Variants in YWHAG observed in about 807,000 individuals in gnomAD.
The protein encoded by YWHAG is 14-3-3 protein gamma.
Under a neutral mutation model 23.3 loss-of-function variants are expected in YWHAG, and 1 was observed. The observed-to-expected ratio is 0.04, with a 90% CI of 0.02 to 0.20. YWHAG has a LOEUF of 0.20. YWHAG is among the 10% of genes least tolerant of loss of function. YWHAG has a pLI of 1.00. For missense variants in YWHAG, 151 were observed against 338.6 expected (o/e 0.45, Z 4.35); for synonymous variants, 160 against 144.0 (o/e 1.11, Z -0.80).
chr7:76,345,314 C>G (rs10267734), intron 1 of YWHAG, among the ~76,000 whole-genome samples: 2 of 151,162 alleles, frequency 1.3e-5, no homozygotes, highest in African/African-American at 4.9e-5. Flanking sequence ...GTCCCCCGAG[C>G]AGCTGGGACT....
intron 1 of YWHAG, among the ~76,000 whole-genome samples, chr7:76,353,555 A>G (rs1182662448): frequency 1.3e-5 from 2 of 152,156 alleles, no homozygotes; most frequent in African/African-American, 4.8e-5. Flanking sequence ...ATTTTCTACC[A>G]CTCAAATTCA....
chr7:76,331,941 T>A (rs551231469), intron 1 of YWHAG, among the ~76,000 whole-genome samples: 34 of 152,278 alleles, frequency 2.2e-4, no homozygotes, highest in Middle Eastern at 3.4e-3. Flanking sequence ...GATAATTAAA[T>A]CAAAACATAA....
Position 76,358,814 on chromosome 7 carries a change from C to T in YWHAG, c.-6G>A. ...AGTTGCTCGCGGTCCACCATCTTCG[C>T]GGGGCTGGGTCTGGCCGGAGAAGGA... On this transcript the variant is annotated 5_prime_UTR_variant, in exon 1 of 2. Coordinates refer to ENST00000307630, the MANE Select transcript of YWHAG (RefSeq NM_012479.4). 1.3e-6 allele frequency: 2 copies of T among 1,591,054 alleles called. No homozygotes were observed. The highest frequency in any genetic ancestry group is 1.7e-6 in the Non-Finnish European group (2 of 1,170,146).
At chr7:76,348,541 C>T (rs1196080079) in intron 1 of YWHAG, among the ~76,000 whole-genome samples, 1 of 151,426 alleles carries the variant, frequency 6.6e-6, no homozygotes, top group Non-Finnish European at 1.5e-5. Context: ...GTAGCTGGGG[C>T]TACAGGTGAC....
intron 1 of YWHAG, among the ~76,000 whole-genome samples, chr7:76,330,975 A>T (rs1186933990): frequency 1.3e-5 from 2 of 152,236 alleles, no homozygotes; most frequent in Middle Eastern, 3.2e-3. Flanking sequence ...CTAAAGTGGC[A>T]TCTCAAACCA....
In YWHAG at chr7:76,349,418, T is replaced by TGC. The variant is rs1803838429; in HGVS notation, c.87+9303_87+9304insGC. Among the ~76,000 whole-genome samples, 7 of 147,048 alleles carry TGC rather than the reference T, an allele frequency of 4.8e-5. No homozygotes were observed. The Admixed American group carries it at 4.8e-4, about 10-fold the overall frequency. Reference sequence around the variant, plus strand: ...ACGCGTTTTGGTCATCATTTATTAATACACACACACACACACACACACACA... The same window carrying TGC: ...ACGCGTTTTGGTCATCATTTATTAATGCACACACACACACACACACACACACA... On this transcript the variant is annotated intron_variant, in intron 1 of 1. Transcript: ENST00000307630.
rs1294151004 is a variant in YWHAG, at chr7:76,327,351, T to C, written c.*2226A>G. ...AAATACAACACTAGCATGCACAATA[T>C]TGTATCAATAGAGTAATGGAGGAGT... is the stretch of plus-strand genomic sequence containing the variant. On this transcript the variant is annotated 3_prime_UTR_variant, in exon 2 of 2. Coordinates refer to ENST00000307630, the MANE Select transcript of YWHAG (RefSeq NM_012479.4). 3 of 152,206 alleles carry C rather than the reference T, an allele frequency of 2.0e-5. No individual in the cohort carries two copies. The highest frequency in any genetic ancestry group is 1.3e-4 in the Admixed American group (2 of 15,268). 9.4% of individuals were successfully genotyped at this position (152,206 alleles called of 1,614,324 possible).
In YWHAG at chr7:76,338,702, T is replaced by A. The variant is rs546023575; in HGVS notation, c.88-8469A>T. Among the ~76,000 whole-genome samples the A allele has an allele frequency of 6.7e-5, 10 of 150,106 alleles. No individual in the cohort carries two copies. The East Asian group carries it at 1.9e-3, about 29-fold the overall frequency. The stretch of plus-strand genomic sequence containing the variant: ...ACAGAAAATCTCAGTAACAGAAAAA[T>A]GGAAAAAAGGAACGGAGAAAAGGAA... On this transcript the variant is annotated intron_variant, in intron 1 of 1. Coordinates refer to ENST00000307630, the MANE Select transcript of YWHAG (RefSeq NM_012479.4).
At chr7:76,342,405 C>T (rs1053285507) in intron 1 of YWHAG, among the ~76,000 whole-genome samples, 33 of 152,218 alleles carry the variant, frequency 2.2e-4, no homozygotes, top group African/African-American at 6.0e-4. Context: ...GGGTGAAGGA[C>T]GGTCTCTGAC....
chr7:76,341,570 G>A (rs1421847978), intron 1 of YWHAG, among the ~76,000 whole-genome samples: 1 of 152,124 alleles, frequency 6.6e-6, no homozygotes, highest in Non-Finnish European at 1.5e-5. Flanking sequence ...ACAGACAAAT[G>A]ATGCACTGAT....
At chr7:76,355,904 G>A (rs1172493876) in intron 1 of YWHAG, among the ~76,000 whole-genome samples, 1 of 152,144 alleles carries the variant, frequency 6.6e-6, no homozygotes, top group African/African-American at 2.4e-5. Context: ...TAATACGTAG[G>A]ATACATCTAG....
intron 1 of YWHAG, among the ~76,000 whole-genome samples, chr7:76,330,632 A>G (rs1223127300): frequency 6.6e-6 from 1 of 152,222 alleles, no homozygotes; most frequent in Non-Finnish European, 1.5e-5. Flanking sequence ...TCTTCTGGAT[A>G]AGAAAATACT....
intron 1 of YWHAG, 126 bp downstream of exon 1, chr7:76,358,596 C>T (rs1010266340): frequency 1.0e-6 from 1 of 964,584 alleles, no homozygotes; most frequent in Non-Finnish European, 1.5e-6. Context: ...CCCAGCCCCC[C>T]TCAGTGAGCG....
intron 1 of YWHAG, among the ~76,000 whole-genome samples, chr7:76,358,493 G>T (rs920235998): frequency 3.3e-5 from 5 of 152,074 alleles, no homozygotes; most frequent in Non-Finnish European, 7.4e-5. Flanking sequence ...GCCCGCGCCC[G>T]CGCCGGGCCT....
chr7:76,343,133 T>C (rs541214420), intron 1 of YWHAG, among the ~76,000 whole-genome samples: 8 of 152,152 alleles, frequency 5.3e-5, no homozygotes, highest in African/African-American at 1.9e-4. Flanking sequence ...CAAGACTCCA[T>C]CTCAAGAAAA....
chr7:76,352,366 T>C (rs892259000), intron 1 of YWHAG, among the ~76,000 whole-genome samples: 8 of 152,166 alleles, frequency 5.3e-5, no homozygotes, highest in Non-Finnish European at 1.2e-4. Context: ...CATACTCAGC[T>C]TGCGGCAGGT....
chr7:76,354,566 G>A (rs1363182595), intron 1 of YWHAG, among the ~76,000 whole-genome samples: 1 of 152,116 alleles, frequency 6.6e-6, no homozygotes, highest in Admixed American at 6.6e-5. Flanking sequence ...GGTTAGGACT[G>A]CTGATATTGG....
chr7:76,353,560 A>T (rs1473009949), intron 1 of YWHAG, among the ~76,000 whole-genome samples: 1 of 152,198 alleles, frequency 6.6e-6, no homozygotes, highest in African/African-American at 2.4e-5. Context: ...CTACCACTCA[A>T]ATTCATAAAT....
Position 76,348,269 on chromosome 7 carries a change from T to G in YWHAG, c.87+10453A>C, listed in dbSNP as rs1208919704. On this transcript the variant is annotated intron_variant, in intron 1 of 1. Transcript: ENST00000307630. ...AAAACAAGAGCCTTAGACTTCGTTT[T>G]TTTTTTTTTTTTTTGGAGATAGCGT... Among the ~76,000 whole-genome samples the G allele has an allele frequency of 4.8e-5, 7 of 146,716 alleles. No individual in the cohort carries two copies. In the East Asian group the frequency reaches 5.9e-4, roughly 12 times the overall value.
Sources: gnomAD v4.1 joint callset for allele counts (sites outside exome capture counted in the v4.1 genomes callset) on GRCh38, gnomAD v4.1.1 for gene constraint, MANE v1.5 for transcripts, NCBI Gene and HGNC (gene_info 2026-07-23, HGNC 2026-07-21) for gene names.